HS3ST2: variants seen among roughly 807,000 people sequenced by gnomAD.
The protein encoded by HS3ST2 is heparan sulfate-glucosamine 3-sulfotransferase 2, also known as heparan sulfate glucosamine 3-O-sulfotransferase 2.
Under a neutral mutation model 26.3 loss-of-function variants are expected in HS3ST2, and 17 were observed. The observed-to-expected ratio is 0.65, with a 90% confidence interval of 0.44 to 0.97. The LOEUF is 0.97. HS3ST2 is among the 50% of genes least tolerant of loss of function. HS3ST2 has a pLI of 0.00. For synonymous variants in HS3ST2, 237 were observed against 219.2 expected (o/e 1.08, Z -0.72); for missense variants, 402 against 501.2 (o/e 0.80, Z 1.89).
intron 1 of HS3ST2, among the ~76,000 whole-genome samples, chr16:22,851,042 A>G (rs1221291606): frequency 1.3e-5 from 2 of 152,176 alleles, no homozygotes; most frequent in Non-Finnish European, 2.9e-5. Flanking sequence ...GGCTTCCTGC[A>G]CATGGCAGCT....
intron 1 of HS3ST2, among the ~76,000 whole-genome samples, chr16:22,855,672 C>CTCTGTCTG (rs1341447494): frequency 6.7e-6 from 1 of 148,728 alleles, no homozygotes; most frequent in East Asian, 2.0e-4. Context: ...AGTTCTTTCT[C>CTCTGTCTG]TCTGTCTGTC....
intron 1 of HS3ST2, among the ~76,000 whole-genome samples, chr16:22,882,216 G>T (rs1006167652): frequency 2.6e-5 from 4 of 152,054 alleles, no homozygotes; most frequent in Non-Finnish European, 5.9e-5. Flanking sequence ...TTAAAAATTG[G>T]CCAGGCATGG....
At chr16:22,862,308 A>G (rs1901689789) in intron 1 of HS3ST2, among the ~76,000 whole-genome samples, 1 of 148,110 alleles carries the variant, frequency 6.8e-6, no homozygotes, top group Non-Finnish European at 1.5e-5. Context: ...AGGGAATCAG[A>G]AGCAAAGGTT....
intron 1 of HS3ST2, among the ~76,000 whole-genome samples, chr16:22,890,150 C>T (rs1016347689): frequency 1.3e-5 from 2 of 152,150 alleles, no homozygotes; most frequent in Admixed American, 6.5e-5. Context: ...ACTTTCCACA[C>T]AAGGGCTTGG....
chr16:22,852,201 A>T (rs1344322976), intron 1 of HS3ST2, among the ~76,000 whole-genome samples: 1 of 152,180 alleles, frequency 6.6e-6, no homozygotes, highest in African/African-American at 2.4e-5. Flanking sequence ...CATCTTAAAG[A>T]CTTATCTGGC....
intron 1 of HS3ST2, among the ~76,000 whole-genome samples, chr16:22,906,911 C>G (rs1037200198): frequency 1.3e-5 from 2 of 152,090 alleles, no homozygotes; most frequent in Non-Finnish European, 2.9e-5. Flanking sequence ...GAGAAATGAA[C>G]AAGAAACGTG....
intron 1 of HS3ST2, among the ~76,000 whole-genome samples, chr16:22,884,242 C>T (rs1902030183): frequency 6.6e-6 from 1 of 152,034 alleles, no homozygotes; most frequent in South Asian, 2.1e-4. Context: ...CTCATTGAAT[C>T]CTTGTGACAA....
In HS3ST2 at chr16:22,896,484, TTTC is replaced by T. The variant is rs1326128086; in HGVS notation, c.486-18453_486-18451del. ...ATAGCTCTGTCCAATTTGTTCTGGG[TTTC>T]TTCTTCAATAACATCAGCAAACTAC... On this transcript the variant is annotated intron_variant, in intron 1 of 1. Coordinates refer to ENST00000261374, the MANE Select transcript of HS3ST2 (RefSeq NM_006043.2). Among the ~76,000 whole-genome samples the T allele has an allele frequency of 6.6e-5, 10 of 152,338 alleles. No homozygotes were observed. The South Asian group carries it at 1.5e-3, about 22-fold the overall frequency.
intron 1 of HS3ST2, among the ~76,000 whole-genome samples, chr16:22,889,723 A>G (rs997474313): frequency 6.6e-6 from 1 of 152,078 alleles, no homozygotes; most frequent in Non-Finnish European, 1.5e-5. Flanking sequence ...AGTGTCCCTC[A>G]ATTTTTAGGT....
intron 1 of HS3ST2, among the ~76,000 whole-genome samples, chr16:22,850,718 C>T (rs1313812273): frequency 6.6e-6 from 1 of 152,090 alleles, no homozygotes; most frequent in African/African-American, 2.4e-5. Context: ...ACCCGGGAGG[C>T]GGAGGTTGCA....
chr16:22,831,079 T>C (rs573826997), intron 1 of HS3ST2, among the ~76,000 whole-genome samples: 1 of 152,340 alleles, frequency 6.6e-6, no homozygotes, highest in South Asian at 2.1e-4. Flanking sequence ...CAAAAACTAT[T>C]AGAAAGGTGT....
intron 1 of HS3ST2, among the ~76,000 whole-genome samples, chr16:22,872,094 C>T (rs1163382429): frequency 1.3e-5 from 2 of 152,142 alleles, no homozygotes; most frequent in South Asian, 2.1e-4. Flanking sequence ...GCAGACACTT[C>T]GAGATGAAAA....
chr16:22,870,489 T>G (rs1183804821), intron 1 of HS3ST2, among the ~76,000 whole-genome samples: 2 of 152,134 alleles, frequency 1.3e-5, no homozygotes, highest in African/African-American at 4.8e-5. Flanking sequence ...CTGCTTCTCA[T>G]CTCATTCAGA....
Position 22,815,105 on chromosome 16 carries a change from A to G in HS3ST2, c.485+10A>G. 4 of 1,611,630 alleles carry G rather than the reference A, an allele frequency of 2.5e-6. No homozygotes were observed. In the African/African-American group the frequency reaches 5.3e-5, roughly 22 times the overall value. On this transcript the variant is annotated intron_variant, in intron 1 of 1. Transcript: ENST00000261374. ...GGCTGGATTGGTACAGGTAAGGACCAGGAGCTCCGCTCCGTGCGCCGGGTC... is the reference window on the plus strand; with the variant it reads ...GGCTGGATTGGTACAGGTAAGGACCGGGAGCTCCGCTCCGTGCGCCGGGTC...
intron 1 of HS3ST2, among the ~76,000 whole-genome samples, chr16:22,903,044 A>G (rs1902301106): frequency 6.6e-6 from 1 of 152,080 alleles, no homozygotes; most frequent in South Asian, 2.1e-4. Context: ...TTTCTATTCC[A>G]GGGACTTATT....
chr16:22,818,166 A>G (rs576352768), intron 1 of HS3ST2, among the ~76,000 whole-genome samples: 13 of 152,058 alleles, frequency 8.5e-5, no homozygotes, highest in Non-Finnish European at 1.8e-4. Context: ...TTCCTCCCCG[A>G]GGTAAGAGCT....
At chr16:22,863,294 C>T (rs1023670155) in intron 1 of HS3ST2, among the ~76,000 whole-genome samples, 2 of 152,194 alleles carry the variant, frequency 1.3e-5, no homozygotes, top group Non-Finnish European at 2.9e-5. Context: ...TAAAAATGGT[C>T]CCCCAGTCAC....
At chr16:22,851,722 G>A (rs1901521075) in intron 1 of HS3ST2, among the ~76,000 whole-genome samples, 1 of 152,284 alleles carries the variant, frequency 6.6e-6, no homozygotes, top group East Asian at 1.9e-4. Flanking sequence ...ATAATTTCAA[G>A]CCAATTGTCG....
At chr16:22,878,982 GT>G (rs1419799200) in intron 1 of HS3ST2, among the ~76,000 whole-genome samples, 2 of 152,230 alleles carry the variant, frequency 1.3e-5, no homozygotes, top group African/African-American at 4.8e-5. Context: ...GTCTCCTGGC[GT>G]TTGCCGAAAG....
Sources: gnomAD v4.1 joint callset for allele counts (sites outside exome capture counted in the v4.1 genomes callset) on GRCh38, gnomAD v4.1.1 for gene constraint, MANE v1.5 for transcripts, NCBI Gene and HGNC (gene_info 2026-07-23, HGNC 2026-07-21) for gene names.